The following BAZ2B variants were observed in gnomAD, a reference collection of about 807,000 sequenced individuals.
BAZ2B encodes bromodomain adjacent to zinc finger domain 2B.
In BAZ2B, 91 loss-of-function variants were observed where a neutral mutation model predicts 246.0. The observed-to-expected ratio is 0.37, with a 90% CI of 0.31 to 0.44. The LOEUF (loss-of-function observed/expected upper bound fraction) is 0.44, where lower values mean the gene tolerates loss of function less well. Among genes scored for constraint, BAZ2B ranks in the 20% least tolerant of loss-of-function variants. BAZ2B has a pLI of 1.00. For missense variants in BAZ2B, 2,332 were observed against 2,533.7 expected (o/e 0.92, Z 1.71); for synonymous variants, 855 against 860.0 (o/e 0.99, Z 0.10).
the BAZ2B span, among the ~76,000 whole-genome samples, chr2:159,651,870 T>C: frequency 6.6e-6 from 1 of 152,334 alleles, no homozygotes; most frequent in South Asian, 2.1e-4. Context: ...GTAGCATTTA[T>C]TGGTACCTCA....
the BAZ2B span, among the ~76,000 whole-genome samples, chr2:159,663,707 C>T: frequency 3.3e-5 from 5 of 150,558 alleles, no homozygotes; most frequent in South Asian, 2.1e-4. Flanking sequence ...TTGGTAGAGA[C>T]GGGGTTTCAC....
intron 2 of BAZ2B, among the ~76,000 whole-genome samples, chr2:159,491,209 A>T (rs1209494804): frequency 2.6e-5 from 4 of 152,202 alleles, no homozygotes; most frequent in Non-Finnish European, 5.9e-5. Flanking sequence ...TTGGCTATTG[A>T]TATCAATAAC....
chr2:159,410,047 A>G (rs1263415479), intron 14 of BAZ2B, among the ~76,000 whole-genome samples: 1 of 152,242 alleles, frequency 6.6e-6, no homozygotes, highest in Non-Finnish European at 1.5e-5. Context: ...CTAACTTCTA[A>G]TGATAATTAG....
intron 34 of BAZ2B, among the ~76,000 whole-genome samples, chr2:159,328,563 A>G (rs2064131858): frequency 6.6e-6 from 1 of 152,218 alleles, no homozygotes; most frequent in South Asian, 2.1e-4. Context: ...TGGGGCCCAC[A>G]TTCCTACATG....
intron 8 of BAZ2B, among the ~76,000 whole-genome samples, chr2:159,436,487 G>A (rs1006655090): frequency 2.6e-5 from 4 of 152,128 alleles, no homozygotes; most frequent in Admixed American, 6.5e-5. Flanking sequence ...GGTGGCTCAC[G>A]CCTGTAATCC....
chr2:159,652,847 G>A, the BAZ2B span, among the ~76,000 whole-genome samples: 1 of 151,684 alleles, frequency 6.6e-6, no homozygotes, highest in African/African-American at 2.4e-5. Flanking sequence ...CAAACTCCTA[G>A]GCTCAAGCAA....
At chr2:159,407,907 C>A (rs2066207811) in intron 14 of BAZ2B, among the ~76,000 whole-genome samples, 1 of 152,048 alleles carries the variant, frequency 6.6e-6, no homozygotes, top group Non-Finnish European at 1.5e-5. Flanking sequence ...TTATTCTCAT[C>A]TATAATAATG....
chr2:159,392,410 G>T (rs2063456614), intron 20 of BAZ2B, among the ~76,000 whole-genome samples: 1 of 151,710 alleles, frequency 6.6e-6, no homozygotes. Flanking sequence ...TTGTTTTTGA[G>T]CTTCCATATA....
At chr2:159,439,336 A>T in intron 6 of BAZ2B, 124 bp from the exon 7 acceptor site, 1 of 856,638 alleles carries the variant, frequency 1.2e-6, no homozygotes, top group East Asian at 2.5e-5. Context: ...TGTAGGAAAA[A>T]GTCACATATC....
intron 1 of BAZ2B, among the ~76,000 whole-genome samples, chr2:159,567,741 CAGCGGG>C (rs1682983717): frequency 2.0e-5 from 3 of 152,148 alleles, no homozygotes; most frequent in Non-Finnish European, 4.4e-5. Context: ...CAGGAGGCTG[CAGCGGG>C]CAGCTCACGA....
intron 1 of BAZ2B, among the ~76,000 whole-genome samples, chr2:159,587,214 G>A (rs1688235563): frequency 6.6e-6 from 1 of 152,068 alleles, no homozygotes; most frequent in South Asian, 2.1e-4. Context: ...GAGTAGCTGG[G>A]ACTACAGGCG....
the BAZ2B span, among the ~76,000 whole-genome samples, chr2:159,682,191 C>CTTTTT: frequency 1.8e-5 from 2 of 111,760 alleles, no homozygotes; most frequent in Non-Finnish European, 3.7e-5. Context: ...TGCTCAGGCT[C>CTTTTT]TTTTTTTTTT....
intron 2 of BAZ2B, among the ~76,000 whole-genome samples, chr2:159,502,384 G>A (rs1270943069): frequency 6.6e-6 from 1 of 151,606 alleles, no homozygotes; most frequent in African/African-American, 2.4e-5. Flanking sequence ...CAGCACTTTA[G>A]GAGGCCTAGG....
intron 1 of BAZ2B, among the ~76,000 whole-genome samples, chr2:159,567,192 G>C (rs757711818): frequency 6.6e-6 from 1 of 151,128 alleles, no homozygotes; most frequent in Non-Finnish European, 1.5e-5. Context: ...GTAGTGAGCC[G>C]AGATCACACC....
At chr2:159,435,624 G>A (rs1285468164) in intron 8 of BAZ2B, 1 of 152,184 alleles carries the variant, frequency 6.6e-6, no homozygotes, top group Non-Finnish European at 1.5e-5. Context: ...AAAGTGCTGG[G>A]ATTACAGGCG....
At chr2:159,711,313 AAGTT>A in the BAZ2B span, among the ~76,000 whole-genome samples, 1 of 152,224 alleles carries the variant, frequency 6.6e-6, no homozygotes, top group South Asian at 2.1e-4. Flanking sequence ...CATATCCTAA[AAGTT>A]AGATTGGCAC....
chr2:159,558,435 T>G (rs997575426), intron 1 of BAZ2B, among the ~76,000 whole-genome samples: 2 of 152,076 alleles, frequency 1.3e-5, no homozygotes, highest in African/African-American at 4.8e-5. Context: ...TTTTTTTGTA[T>G]TTTTAGTAGA....
At chr2:159,554,568 CA>C (rs1448644594) in intron 2 of BAZ2B, among the ~76,000 whole-genome samples, 2 of 150,780 alleles carry the variant, frequency 1.3e-5, no homozygotes, top group African/African-American at 4.9e-5. Flanking sequence ...CTAGTCTCTG[CA>C]AAATGTTAAA....
intron 18 of BAZ2B, chr2:159,398,259 G>A (rs1388304725): frequency 6.6e-6 from 1 of 152,058 alleles, no homozygotes; most frequent in Non-Finnish European, 1.5e-5. Context: ...CCCATGCCAG[G>A]AAATCAGAAC....
Sources: gnomAD v4.1 joint callset for allele counts (sites outside exome capture counted in the v4.1 genomes callset) on GRCh38, gnomAD v4.1.1 for gene constraint, MANE v1.5 for transcripts, NCBI Gene and HGNC (gene_info 2026-07-23, HGNC 2026-07-21) for gene names.